RYR3: variants seen among roughly 807,000 people sequenced by gnomAD.
RYR3 encodes brain ryanodine receptor-calcium release channel.
In RYR3, 207 loss-of-function variants were observed where a neutral mutation model predicts 584.3. That is an observed-to-expected ratio of 0.35 (90% CI 0.32 to 0.40). The LOEUF is 0.40. Ranked by LOEUF, RYR3 falls within the 10% of genes least tolerant of loss-of-function variation. RYR3 has a pLI of 1.00. For synonymous variants in RYR3, 2,416 were observed against 2,248.5 expected, an observed-to-expected ratio of 1.07 and a Z score of -2.11; for missense variants, 5,616 against 6,089.2, an observed-to-expected ratio of 0.92 and a Z score of 2.59.
At chr15:33,729,532 G>A (rs193071809) in intron 47 of RYR3, among the ~76,000 whole-genome samples, 28 of 152,194 alleles carry the variant, frequency 1.8e-4, no homozygotes, top group African/African-American at 6.5e-4. Context: ...CTGACCACCA[G>A]GATGGATAGG....
At chr15:33,734,794 A>G (rs1172691432) in intron 48 of RYR3, among the ~76,000 whole-genome samples, 1 of 149,526 alleles carries the variant, frequency 6.7e-6, no homozygotes, top group Non-Finnish European at 1.5e-5. Context: ...GGTTCACACA[A>G]TTCTCCTGCC....
intron 31 of RYR3, among the ~76,000 whole-genome samples, chr15:33,649,745 T>C (rs1163177811): frequency 1.3e-5 from 2 of 152,182 alleles, no homozygotes; most frequent in Non-Finnish European, 2.9e-5. Flanking sequence ...TAGGAAACTT[T>C]AGGGCAAGCG....
chr15:33,519,885 A>G (rs906222046), intron 3 of RYR3, among the ~76,000 whole-genome samples: 42 of 152,298 alleles, frequency 2.8e-4, no homozygotes, highest in African/African-American at 9.6e-4. Context: ...ACTTCAAGAA[A>G]AAGGCAAGAT....
At chr15:33,633,426 C>T (rs915861645) in intron 24 of RYR3, among the ~76,000 whole-genome samples, 1 of 152,210 alleles carries the variant, frequency 6.6e-6, no homozygotes, top group Non-Finnish European at 1.5e-5. Flanking sequence ...ATTGGGCCAA[C>T]GATTTCTGGG....
intron 18 of RYR3, among the ~76,000 whole-genome samples, chr15:33,605,003 G>A (rs1291379344): frequency 6.6e-6 from 1 of 152,162 alleles, no homozygotes; most frequent in Non-Finnish European, 1.5e-5. Flanking sequence ...CATAGCCCAA[G>A]AATGTTCTCT....
chr15:33,831,398 TTATATC>T (rs1419305124), intron 86 of RYR3, among the ~76,000 whole-genome samples: 2 of 152,076 alleles, frequency 1.3e-5, no homozygotes, highest in Non-Finnish European at 2.9e-5. Flanking sequence ...TCAAAACTCT[TTATATC>T]TAGAAAAATG....
chr15:33,728,864 G>T lies in RYR3; in HGVS notation c.7041G>T (p.Ser2347=), dbSNP rs372903924. ...LKLPSLNKDG[S]VSEPDMAANF... ...TTTCTATGTGTCTTTCAGATGGGTC[G>T]GTCAGTGAGCCAGATATGGCGGCCA... Residue 2347 remains serine (S), a synonymous_variant, in exon 47 of 104, where the codon TCG becomes TCT. Transcript: ENST00000634891. 2 of 1,610,874 alleles carry T rather than the reference G, an allele frequency of 1.2e-6. No homozygotes were observed. The highest frequency in any genetic ancestry group is 2.2e-5 in the East Asian group (1 of 44,874).
intron 16 of RYR3, among the ~76,000 whole-genome samples, chr15:33,589,655 A>AT (rs1453574594): frequency 6.6e-6 from 1 of 152,152 alleles, no homozygotes. Context: ...AAAGAGAGGG[A>AT]TCCCATTTTC....
intron 1 of RYR3, among the ~76,000 whole-genome samples, chr15:33,435,276 T>C (rs892150903): frequency 5.3e-5 from 8 of 152,198 alleles, no homozygotes; most frequent in African/African-American, 9.7e-5. Flanking sequence ...CTGATAATTA[T>C]AATTTTTATA....
intron 10 of RYR3, among the ~76,000 whole-genome samples, chr15:33,555,842 A>G (rs1009835781): frequency 6.6e-6 from 1 of 152,240 alleles, no homozygotes. Flanking sequence ...CCCAGCATGT[A>G]GTAAACAGAG....
At chr15:33,541,640 T>C (rs1487273285) in intron 7 of RYR3, among the ~76,000 whole-genome samples, 2 of 152,174 alleles carry the variant, frequency 1.3e-5, no homozygotes, top group African/African-American at 4.8e-5. Context: ...TTTAGCCCTA[T>C]TAAAGTCTAG....
intron 1 of RYR3, among the ~76,000 whole-genome samples, chr15:33,376,631 C>T (rs959901994): frequency 2.6e-5 from 4 of 152,232 alleles, no homozygotes; most frequent in African/African-American, 9.6e-5. Context: ...CCAACACTTG[C>T]AGCGGCGGGA....
At chr15:33,742,490 C>T in intron 52 of RYR3, 46 bp downstream of exon 52, 1 of 1,295,008 alleles carries the variant, frequency 7.7e-7, no homozygotes, top group Non-Finnish European at 1.1e-6. Context: ...GGAAAAACAG[C>T]CCAAGAACAT....
intron 1 of RYR3, among the ~76,000 whole-genome samples, chr15:33,352,801 T>G (rs1223610070): frequency 6.6e-6 from 1 of 152,220 alleles, no homozygotes; most frequent in Non-Finnish European, 1.5e-5. Context: ...TGTTTACTCA[T>G]GGTGGTCATT....
Position 33,676,547 on chromosome 15 carries a change from G to A in RYR3, c.5860+5991G>A, listed in dbSNP as rs199853042. On this transcript the variant is annotated intron_variant, in intron 38 of 103. Coordinates refer to ENST00000634891, the MANE Select transcript of RYR3 (RefSeq NM_001036.6). The stretch of plus-strand genomic sequence containing the variant: ...AGGCATTAAAGAGAGCATTATAGTC[G>A]CCTGAGAGATGGTCAAGTGCATAAT... Among the ~76,000 whole-genome samples, 56 of 152,304 alleles carry A rather than the reference G, an allele frequency of 3.7e-4. No homozygotes were observed. The South Asian group carries it at 9.6e-3, about 26-fold the overall frequency.
At chr15:33,596,330 C>T (rs1044164047) in intron 16 of RYR3, among the ~76,000 whole-genome samples, 3 of 151,834 alleles carry the variant, frequency 2.0e-5, no homozygotes, top group Non-Finnish European at 4.4e-5. Context: ...ACCAGTTTGT[C>T]TACAAATATT....
intron 13 of RYR3, 111 bp downstream of exon 13, chr15:33,580,255 G>A (rs1015266204): frequency 1.4e-5 from 12 of 860,862 alleles, no homozygotes; most frequent in Non-Finnish European, 2.1e-5. Context: ...GAGAGAGCCA[G>A]AGGACAAGAG....
intron 1 of RYR3, among the ~76,000 whole-genome samples, chr15:33,464,465 T>G (rs1209161201): frequency 1.6e-4 from 11 of 67,430 alleles, no homozygotes; most frequent in African/African-American, 2.9e-4. Flanking sequence ...GAGGTGGAGA[T>G]ATATATATAT....
chr15:33,783,400 C>T (rs144134434), intron 65 of RYR3, among the ~76,000 whole-genome samples: 59 of 152,316 alleles, frequency 3.9e-4, no homozygotes, highest in African/African-American at 1.3e-3. Context: ...GCAGCTAACT[C>T]GGAATTCATT....
Sources: allele counts gnomAD v4.1 joint callset (sites outside exome capture counted in the v4.1 genomes callset), GRCh38; gene constraint gnomAD v4.1.1; transcripts MANE v1.5; gene names NCBI Gene and HGNC (gene_info 2026-07-23, HGNC 2026-07-21).